Variants in CEMIP2 observed in about 807,000 individuals in gnomAD.
CEMIP2 encodes cell surface hyaluronidase CEMIP2.
A neutral mutation model predicts 146.9 loss-of-function variants in CEMIP2; 79 were observed. The observed-to-expected ratio is 0.54, with a 90% CI of 0.45 to 0.65. The LOEUF is 0.65. Ranked by LOEUF, CEMIP2 falls within the 30% of genes least tolerant of loss-of-function variation. The probability of loss-of-function intolerance (pLI) is 0.00; values close to 1 mark genes in which losing one functional copy is unlikely to be tolerated. For missense variants in CEMIP2, 1,596 were observed against 1,696.2 expected (o/e 0.94, Z 1.04); for synonymous variants, 601 against 606.3 (o/e 0.99, Z 0.13).
intron 6 of CEMIP2, among the ~76,000 whole-genome samples, chr9:71,734,328 T>C (rs1823704088): frequency 6.6e-6 from 1 of 152,120 alleles, no homozygotes; most frequent in African/African-American, 2.4e-5. Flanking sequence ...TATTATCTGA[T>C]AGTAGAAAAT....
intron 4 of CEMIP2, among the ~76,000 whole-genome samples, chr9:71,742,578 T>C (rs1326114976): frequency 6.6e-6 from 1 of 152,168 alleles, no homozygotes; most frequent in African/African-American, 2.4e-5. Context: ...TCAAGAGCAA[T>C]ATTTTAAAAG....
chr9:71,698,879 GAAGTC>G (rs1275953773), intron 19 of CEMIP2, among the ~76,000 whole-genome samples: 1 of 151,994 alleles, frequency 6.6e-6, no homozygotes, highest in African/African-American at 2.4e-5. Flanking sequence ...CAAACCAAAG[GAAGTC>G]AAGATTCTAA....
Position 71,768,406 on chromosome 9 carries a change from T to C in CEMIP2, c.-62A>G, listed in dbSNP as rs1310327818. On this transcript the variant is annotated 5_prime_UTR_variant, in exon 1 of 24. Transcript: ENST00000377044. ...GTTAACTCAGGTGCCTACACAGCGG[T>C]CCAGGGAGACGGAGAGGAGTCCCTG... 6.6e-6 allele frequency: 1 copy of C among 151,814 alleles called. No homozygotes were observed. Among genetic ancestry groups the C allele is most frequent in the African/African-American group, 2.4e-5 (1 of 41,328 alleles). The allele number at this position is 151,814 out of a possible 1,614,324, so 9.4% of individuals were successfully genotyped here. A position where few individuals can be genotyped will look rare whatever the true frequency, so the allele number is the denominator to read the frequency against.
At chr9:71,686,827 T>G (rs886544117) in intron 22 of CEMIP2, 1 of 152,208 alleles carries the variant, frequency 6.6e-6, no homozygotes, top group East Asian at 1.9e-4. Flanking sequence ...CCTTCTCCAT[T>G]GTCTATCAGG....
intron 20 of CEMIP2, among the ~76,000 whole-genome samples, chr9:71,695,886 T>C (rs1201827072): frequency 6.6e-6 from 1 of 151,890 alleles, no homozygotes; most frequent in East Asian, 1.9e-4. Flanking sequence ...GAGGCCAAAG[T>C]GGGAGGATCG....
At chr9:71,705,840 C>T (rs1160853866) in intron 17 of CEMIP2, among the ~76,000 whole-genome samples, 6 of 151,506 alleles carry the variant, frequency 4.0e-5, no homozygotes, top group Non-Finnish European at 8.8e-5. Context: ...GGAGGCTGTA[C>T]ATACACTGCA....
chr9:71,692,364 C>CCTCTCTCTCTCTCTCT (rs1563993236), intron 21 of CEMIP2, among the ~76,000 whole-genome samples: 3 of 77,548 alleles, frequency 3.9e-5, no homozygotes, highest in African/African-American at 3.9e-4. Flanking sequence ...CTCTACCCCC[C>CCTCTCTCTCTCTCTCT]ATCTCTCTCT....
At chr9:71,707,853 G>A (rs1822795398) in intron 17 of CEMIP2, among the ~76,000 whole-genome samples, 1 of 152,196 alleles carries the variant, frequency 6.6e-6, no homozygotes, top group Non-Finnish European at 1.5e-5. Flanking sequence ...TCGTCTCCAT[G>A]TTCTGATCAT....
At chr9:71,714,761 TTATAA>T (rs1823000032) in intron 15 of CEMIP2, among the ~76,000 whole-genome samples, 168 bp downstream of exon 15, 2 of 152,188 alleles carry the variant, frequency 1.3e-5, no homozygotes, top group African/African-American at 4.8e-5. Context: ...CACATAATAA[TTATAA>T]TAGTAGTAGC....
chr9:71,715,053 T>C lies in CEMIP2; in HGVS notation c.2472A>G (p.Gln824=). Reference sequence around the variant, plus strand: ...CAACAAAGAGAGATTCAGATACCTCTTGGCTGGAACCTTCATCACTTGGGA... The same window carrying C: ...CAACAAAGAGAGATTCAGATACCTCCTGGCTGGAACCTTCATCACTTGGGA... ...GSFPSDEGSS[Q]EVSESLFVGE... is the part of the protein sequence containing the mutation. The change falls in exon 15 of 24, where the codon CAA becomes CAG. Residue 824 remains glutamine, a synonymous_variant. Coordinates refer to ENST00000377044, the MANE Select transcript of CEMIP2 (RefSeq NM_013390.3). 1 of 1,614,008 alleles carries C rather than the reference T, an allele frequency of 6.2e-7. No homozygotes were observed. The highest frequency in any genetic ancestry group is 8.5e-7 in the Non-Finnish European group (1 of 1,179,940).
intron 1 of CEMIP2, among the ~76,000 whole-genome samples, chr9:71,756,201 A>AGATG (rs146252573): frequency 0.031 from 4,566 of 145,010 alleles, 247 homozygotes; most frequent in South Asian, 0.12. Context: ...CTAGATAGAT[A>AGATG]GATAGATAGA....
rs543056258 is a variant in CEMIP2 at position 71,745,261 on chromosome 9, G to A, written c.791C>T (p.Ser264Phe). 2.0e-5 allele frequency: 33 copies of A among 1,614,032 alleles called. No homozygotes were observed. The South Asian group carries it at 3.3e-4, about 16-fold the overall frequency. ...AATGACCCTCACATTGAGGCCCCGG[G>A]AAAAGTCCTTTTCAAAGGTATAGGA... The part of the protein sequence containing the change: ...FGSYTFEKDF[S>F]RGLNVRVIDQ... The change falls in exon 4 of 24, where the codon TCC (serine) becomes TTC (phenylalanine). Residue 264 changes from serine to phenylalanine, a missense_variant. Ser to Phe is a radical substitution (Grantham distance 155, BLOSUM62 -2). Transcript: ENST00000377044.
intron 22 of CEMIP2, 122 bp downstream of exon 22, chr9:71,689,970 A>G: frequency 8.2e-7 from 1 of 1,216,896 alleles, no homozygotes; most frequent in South Asian, 1.5e-5. Context: ...AGGAATGAAC[A>G]CCTTGCATAG....
chr9:71,722,582 T>A, intron 11 of CEMIP2, 67 bp from the exon 12 acceptor site: 1 of 1,280,130 alleles, frequency 7.8e-7, no homozygotes, highest in Non-Finnish European at 1.1e-6. Flanking sequence ...ATACAATGAT[T>A]CATGAAAATA....
At chr9:71,706,562 T>C (rs1191713839) in intron 17 of CEMIP2, among the ~76,000 whole-genome samples, 1 of 152,248 alleles carries the variant, frequency 6.6e-6, no homozygotes, top group East Asian at 1.9e-4. Flanking sequence ...TTCAAAGGAC[T>C]GAATGCTTTA....
In CEMIP2 at chr9:71,733,790, G is replaced by A. The variant is rs72737980; in HGVS notation, c.1393+1016C>T. Among the ~76,000 whole-genome samples the A allele has an allele frequency of 4.6e-3, 698 of 152,186 alleles. 43 individuals carry two copies. In the South Asian group the frequency reaches 0.12, roughly 27 times the overall value. On this transcript the variant is annotated intron_variant, in intron 6 of 23. Transcript: ENST00000377044. ...AGTACCAGGCTCAAAATGAGTGCCCGGTAAGTGTCAGGCATTCTTTCAATA... is the reference window on the plus strand; with the variant it reads ...AGTACCAGGCTCAAAATGAGTGCCCAGTAAGTGTCAGGCATTCTTTCAATA...
At chr9:71,709,004 A>C (rs757327381) in intron 17 of CEMIP2, among the ~76,000 whole-genome samples, 1 of 152,210 alleles carries the variant, frequency 6.6e-6, no homozygotes, top group Non-Finnish European at 1.5e-5. Context: ...ACCCAGGGTA[A>C]ATCAGCTCTC....
At chr9:71,749,975 A>G in intron 2 of CEMIP2, 68 bp downstream of exon 2, 1 of 1,409,256 alleles carries the variant, frequency 7.1e-7, no homozygotes, top group Non-Finnish European at 9.5e-7. Flanking sequence ...ATTTTTTTTT[A>G]AGTATTCTAC....
chr9:71,726,023 T>C (rs1163333738), intron 10 of CEMIP2, among the ~76,000 whole-genome samples: 1 of 152,208 alleles, frequency 6.6e-6, no homozygotes, highest in Non-Finnish European at 1.5e-5. Context: ...TAAAACCAAA[T>C]CGGCTTTCCA....
Sources: allele counts gnomAD v4.1 joint callset (sites outside exome capture counted in the v4.1 genomes callset), GRCh38; gene constraint gnomAD v4.1.1; transcripts MANE v1.5; gene names NCBI Gene and HGNC (gene_info 2026-07-23, HGNC 2026-07-21).